Variants in ARHGAP15 observed in about 807,000 individuals in gnomAD.
ARHGAP15 encodes rho GTPase-activating protein 15.
A neutral mutation model predicts 63.7 loss-of-function variants in ARHGAP15; 51 were observed. The observed-to-expected ratio is 0.80, with a 90% confidence interval of 0.64 to 1.01. The LOEUF is 1.01. Ranked by LOEUF, ARHGAP15 falls within the 50% of genes least tolerant of loss-of-function variation. ARHGAP15 has a pLI of 0.00. For missense variants in ARHGAP15, 560 were observed against 564.6 expected, an observed-to-expected ratio of 0.99 and a Z score of 0.08; for synonymous variants, 191 against 193.8, an observed-to-expected ratio of 0.99 and a Z score of 0.12.
chr2:143,135,664 C>T (rs1293266219), intron 1 of ARHGAP15, among the ~76,000 whole-genome samples: 1 of 152,216 alleles, frequency 6.6e-6, no homozygotes, highest in East Asian at 1.9e-4. Context: ...GCATTTGATG[C>T]TATCGAACCC....
intron 6 of ARHGAP15, among the ~76,000 whole-genome samples, chr2:143,432,107 T>G (rs926984500): frequency 2.6e-5 from 4 of 152,084 alleles, no homozygotes; most frequent in Non-Finnish European, 5.9e-5. Flanking sequence ...CAATGTTTAC[T>G]TTGTGTAGCT....
At chr2:143,252,202 A>G (rs1558843060) in intron 6 of ARHGAP15, among the ~76,000 whole-genome samples, 1 of 152,054 alleles carries the variant, frequency 6.6e-6, no homozygotes, top group Non-Finnish European at 1.5e-5. Flanking sequence ...AATGAGGATG[A>G]CAGTCAGCTA....
chr2:143,172,679 C>T (rs2105051123), intron 2 of ARHGAP15, among the ~76,000 whole-genome samples: 1 of 152,086 alleles, frequency 6.6e-6, no homozygotes, highest in Non-Finnish European at 1.5e-5. Flanking sequence ...GATGATAGTG[C>T]CAATCACTGA....
intron 6 of ARHGAP15, among the ~76,000 whole-genome samples, chr2:143,396,204 A>C (rs1309043538): frequency 6.6e-6 from 1 of 152,032 alleles, no homozygotes; most frequent in African/African-American, 2.4e-5. Context: ...TTTTTTTCTG[A>C]GTCTATTTTA....
intron 11 of ARHGAP15, among the ~76,000 whole-genome samples, chr2:143,620,097 T>G (rs1343309724): frequency 6.6e-6 from 1 of 152,212 alleles, no homozygotes; most frequent in Non-Finnish European, 1.5e-5. Flanking sequence ...TTTACTCACC[T>G]GCCTCATTCT....
intron 8 of ARHGAP15, among the ~76,000 whole-genome samples, chr2:143,460,646 TC>T (rs1690890215): frequency 1.3e-5 from 2 of 152,202 alleles, no homozygotes; most frequent in South Asian, 4.1e-4. Flanking sequence ...TATCATTTTT[TC>T]CCTCAGTTGG....
chr2:143,673,758 G>GTGTGTGTGTGTGTATA (rs1553520615), intron 12 of ARHGAP15, among the ~76,000 whole-genome samples: 8 of 22,128 alleles, frequency 3.6e-4, no homozygotes, highest in African/African-American at 6.5e-4. Context: ...GTGTGTGTGT[G>GTGTGTGTGTGTGTATA]TATATATATA....
intron 6 of ARHGAP15, among the ~76,000 whole-genome samples, chr2:143,287,706 G>T (rs1318691222): frequency 6.6e-6 from 1 of 151,978 alleles, no homozygotes; most frequent in Non-Finnish European, 1.5e-5. Flanking sequence ...GGGAGGGTGA[G>T]GCAGGAGAAT....
chr2:143,305,783 C>G (rs1277152430), intron 6 of ARHGAP15, among the ~76,000 whole-genome samples: 2 of 152,008 alleles, frequency 1.3e-5, no homozygotes, highest in African/African-American at 4.8e-5. Flanking sequence ...AAGCAAGTAG[C>G]ATGTCGGTGC....
chr2:143,135,025 G>A (rs917580757), intron 1 of ARHGAP15, among the ~76,000 whole-genome samples: 6 of 152,154 alleles, frequency 3.9e-5, no homozygotes, highest in African/African-American at 1.4e-4. Context: ...AGGAGAAAAG[G>A]AATGAAAATA....
intron 6 of ARHGAP15, among the ~76,000 whole-genome samples, chr2:143,423,535 A>T (rs1368686491): frequency 2.0e-5 from 3 of 152,092 alleles, no homozygotes; most frequent in Admixed American, 2.0e-4. Flanking sequence ...AAGACACTGG[A>T]TGTGTACAGT....
intron 11 of ARHGAP15, among the ~76,000 whole-genome samples, chr2:143,599,155 A>G (rs1697654877): frequency 6.6e-6 from 1 of 152,120 alleles, no homozygotes; most frequent in African/African-American, 2.4e-5. Flanking sequence ...AACACAAGCA[A>G]TAGATTCTGG....
In ARHGAP15 at chr2:143,472,397, A is replaced by G. The variant is rs558061582; in HGVS notation, c.704-14976A>G. On this transcript the variant is annotated intron_variant, in intron 8 of 13. Coordinates refer to ENST00000295095, the MANE Select transcript of ARHGAP15 (RefSeq NM_018460.4). ...AGTTGCAATTAACAAACATTCATGC[A>G]GTTGGAGAATTGGGTATGCAATGCG... Among the ~76,000 whole-genome samples, 3 of 152,288 alleles carry G rather than the reference A, an allele frequency of 2.0e-5. No individual in the cohort carries two copies. The South Asian group carries it at 6.2e-4, about 32-fold the overall frequency.
At chr2:143,166,018 AAAAG>A (rs1390947555) in intron 2 of ARHGAP15, among the ~76,000 whole-genome samples, 1 of 94,182 alleles carries the variant, frequency 1.1e-5, no homozygotes, top group South Asian at 3.3e-4. Flanking sequence ...AGGAAGGAAA[AAAAG>A]AAAGAAAACA....
chr2:143,547,207 G>A (rs959493993), intron 10 of ARHGAP15, among the ~76,000 whole-genome samples: 2 of 152,126 alleles, frequency 1.3e-5, no homozygotes, highest in Non-Finnish European at 2.9e-5. Flanking sequence ...GCTGAGCTTA[G>A]AGAGATATGT....
intron 6 of ARHGAP15, among the ~76,000 whole-genome samples, chr2:143,364,721 C>A (rs931429101): frequency 2.0e-5 from 3 of 152,132 alleles, no homozygotes; most frequent in Non-Finnish European, 4.4e-5. Flanking sequence ...TCACAGAGTA[C>A]ATGTACTAAT....
At chr2:143,527,400 A>G (rs773661923) in intron 10 of ARHGAP15, among the ~76,000 whole-genome samples, 2 of 152,052 alleles carry the variant, frequency 1.3e-5, no homozygotes, top group Non-Finnish European at 2.9e-5. Context: ...TCTTGGGTTC[A>G]AAATAATCAT....
chr2:143,675,092 C>T lies in ARHGAP15; in HGVS notation c.1139-28327C>T, dbSNP rs531061824. On this transcript the variant is annotated intron_variant, in intron 12 of 13. Coordinates refer to ENST00000295095, the MANE Select transcript of ARHGAP15 (RefSeq NM_018460.4). ...TTATCAACCAAGTGTATGTAATATT[C>T]TAAATCATTTGTTGTTATTTCCACA... 1.3e-3 allele frequency among the ~76,000 whole-genome samples: 197 copies of T among 152,320 alleles called. 1 individual carries two copies. Among genetic ancestry groups the T allele is most frequent in the Non-Finnish European group, 2.1e-3 (140 of 68,026 alleles).
At chr2:143,633,692 C>T (rs77385422) in intron 12 of ARHGAP15, among the ~76,000 whole-genome samples, 12,185 of 152,100 alleles carry the variant, frequency 0.08, 773 homozygotes, top group East Asian at 0.33. Context: ...GATAACAAAA[C>T]GCAAAATTTC....
Sources: gnomAD v4.1 joint callset for allele counts (sites outside exome capture counted in the v4.1 genomes callset) on GRCh38, gnomAD v4.1.1 for gene constraint, MANE v1.5 for transcripts, NCBI Gene and HGNC (gene_info 2026-07-23, HGNC 2026-07-21) for gene names.